The following KCNG2 variants were observed in gnomAD, a reference collection of about 807,000 sequenced individuals.
KCNG2 encodes potassium voltage-gated channel modifier subfamily G member 2, also known as voltage-gated potassium channel regulatory subunit KCNG2.
In KCNG2, 7 loss-of-function variants were observed where a neutral mutation model predicts 12.3. That is an observed-to-expected ratio of 0.57 (90% CI 0.32 to 1.07). The LOEUF is 1.07. KCNG2 is among the 50% of genes least tolerant of loss of function. The probability of loss-of-function intolerance (pLI) is 0.04; values close to 1 mark genes in which losing one functional copy is unlikely to be tolerated. For synonymous variants in KCNG2, 414 were observed against 351.4 expected, an observed-to-expected ratio of 1.18 and a Z score of -1.99; for missense variants, 703 against 726.0, an observed-to-expected ratio of 0.97 and a Z score of 0.36.
At chr18:79,863,428 G>A (rs1468990664) in intron 2 of KCNG2, among the ~76,000 whole-genome samples, 200 bp from the exon 3 acceptor site, 1 of 152,254 alleles carries the variant, frequency 6.6e-6, no homozygotes, top group Non-Finnish European at 1.5e-5. Flanking sequence ...ACCTGGCGGG[G>A]TCCGCTGGAC....
At chr18:79,801,156 GT>G (rs1457319015) in intron 1 of KCNG2, among the ~76,000 whole-genome samples, 2 of 152,222 alleles carry the variant, frequency 1.3e-5, no homozygotes, top group African/African-American at 2.4e-5. Context: ...CCTGACCTGT[GT>G]CAAAATCAGT....
At chr18:79,829,482 C>G (rs1161093308) in intron 1 of KCNG2, among the ~76,000 whole-genome samples, 1 of 152,150 alleles carries the variant, frequency 6.6e-6, no homozygotes, top group Admixed American at 6.5e-5. Flanking sequence ...CCTCTGCCTC[C>G]CTATGGCTTG....
intron 1 of KCNG2, among the ~76,000 whole-genome samples, chr18:79,830,758 C>T (rs555877751): frequency 5.2e-4 from 77 of 147,832 alleles, no homozygotes; most frequent in Non-Finnish European, 9.7e-4. Flanking sequence ...TCCCTGCGGA[C>T]AGAGCCTTCG....
rs911770615 is a variant in KCNG2 at position 79,899,926 on chromosome 18, C to T, written c.*110C>T. 3.8e-6 allele frequency: 4 copies of T among 1,044,958 alleles called. No individual in the cohort carries two copies. Among genetic ancestry groups the T allele is most frequent in the South Asian group, 3.5e-5 (1 of 28,568 alleles). The allele number at this position is 1,044,958 out of a possible 1,614,324, so 64.7% of individuals were successfully genotyped here. On this transcript the variant is annotated 3_prime_UTR_variant, in exon 4 of 4. Transcript: ENST00000316249. ...TCTGGCCTGGGGGAGCGGCTCCTGC[C>T]GGCCGCGTCCTCGGCCCTCGTGCGT...
chr18:79,811,000 A>C (rs923285601), intron 1 of KCNG2, among the ~76,000 whole-genome samples: 1 of 152,248 alleles, frequency 6.6e-6, no homozygotes, highest in Non-Finnish European at 1.5e-5. Context: ...CAAAAAGAGT[A>C]AAACCCCTAG....
chr18:79,865,152 T>C (rs1319775665), intron 3 of KCNG2, among the ~76,000 whole-genome samples: 1 of 147,118 alleles, frequency 6.8e-6, no homozygotes, highest in Non-Finnish European at 1.5e-5. Flanking sequence ...CTGAGAGGCC[T>C]GGGTGCTGAG....
In KCNG2 at chr18:79,797,979, A is replaced by T. The variant is rs1429542727; in HGVS notation, c.-150A>T. 4.1e-5 allele frequency among the ~76,000 whole-genome samples: 6 copies of T among 147,704 alleles called. No homozygotes were observed. Among genetic ancestry groups the T allele is most frequent in the Non-Finnish European group, 7.5e-5 (5 of 66,602 alleles). ...GCCCCGAGGAGGCCGCCGGCCGGGT[A>T]AGCGGAGCCCGGAGCTCGCGGAGTC... On this transcript the variant is annotated 5_prime_UTR_variant, in exon 1 of 4. Transcript: ENST00000316249.
chr18:79,831,837 C>A (rs1047236380), intron 1 of KCNG2, among the ~76,000 whole-genome samples: 2 of 152,218 alleles, frequency 1.3e-5, no homozygotes, highest in Admixed American at 6.5e-5. Context: ...CCCACCCCCA[C>A]CCTTACCTGG....
intron 1 of KCNG2, among the ~76,000 whole-genome samples, chr18:79,806,447 G>A (rs1273992422): frequency 3.9e-5 from 6 of 152,182 alleles, no homozygotes; most frequent in African/African-American, 9.7e-5. Context: ...TTCTTGAACC[G>A]TGCTCTGCAT....
At position 79,887,208 on chromosome 18, in the gene KCNG2, C is replaced by T. The variant is rs4991157; in HGVS notation, c.625-11832C>T. Among the ~76,000 whole-genome samples, 742 of 141,674 alleles carry T rather than the reference C, an allele frequency of 5.2e-3. 24 individuals carry two copies. Among genetic ancestry groups the T allele is most frequent in the African/African-American group, 0.021 (691 of 32,858 alleles). The allele number at this position is 141,674 out of a possible 152,430, so 92.9% of individuals were successfully genotyped here. ...CACAGGACAGATGGGGACAGGGACA[C>T]GGGGATATAGGGTCACAGGGACAGG... On this transcript the variant is annotated intron_variant, in intron 3 of 3. Coordinates refer to ENST00000316249, the MANE Select transcript of KCNG2 (RefSeq NM_012283.2).
At chr18:79,857,809 G>A (rs552352595) in intron 2 of KCNG2, among the ~76,000 whole-genome samples, 17 of 151,650 alleles carry the variant, frequency 1.1e-4, no homozygotes, top group Non-Finnish European at 1.9e-4. Flanking sequence ...ATTTTTATGT[G>A]CACGATTCTG....
Position 79,880,187 on chromosome 18 carries a change from T to C in KCNG2, c.624+15896T>C, listed in dbSNP as rs554035280. The stretch of plus-strand genomic sequence containing the variant: ...CAAAGTCACCCAAAATGTGTAACAT[T>C]AATATGCCAATAAATGGCCAGATCA... On this transcript the variant is annotated intron_variant, in intron 3 of 3. Transcript: ENST00000316249. Among the ~76,000 whole-genome samples the C allele has an allele frequency of 1.8e-4, 28 of 152,154 alleles. 1 individual carries two copies. The Middle Eastern group carries it at 0.01, about 55-fold the overall frequency.
Position 79,803,132 on chromosome 18 carries a change from C to T in KCNG2, c.-115+5118C>T, listed in dbSNP as rs974859814. Among the ~76,000 whole-genome samples the T allele has an allele frequency of 2.2e-4, 33 of 152,106 alleles. No individual in the cohort carries two copies. Among genetic ancestry groups the T allele is most frequent in the African/African-American group, 6.5e-4 (27 of 41,412 alleles). ...GGCGGAGCTTGCAGTGAGCCGAGAT[C>T]GCGCCACTGCACTCCAGCCTGGGTG... On this transcript the variant is annotated intron_variant, in intron 1 of 3. Coordinates refer to ENST00000316249, the MANE Select transcript of KCNG2 (RefSeq NM_012283.2). The surrounding 1 kb of genome is among the most constrained non-coding windows in gnomAD (Gnocchi z 4.5).
At chr18:79,830,100 G>A (rs1278076348) in intron 1 of KCNG2, among the ~76,000 whole-genome samples, 1 of 144,964 alleles carries the variant, frequency 6.9e-6, no homozygotes, top group East Asian at 2.1e-4. Flanking sequence ...ACCTAGGACT[G>A]GTGGGTCCAC....
intron 3 of KCNG2, 73 bp from the exon 4 acceptor site, chr18:79,898,967 G>C: frequency 8.3e-7 from 1 of 1,204,552 alleles, no homozygotes; most frequent in African/African-American, 1.6e-5. Context: ...CTGGTCCTGG[G>C]AAAGGAAGGG....
At chr18:79,877,316 C>T (rs1279787101) in intron 3 of KCNG2, among the ~76,000 whole-genome samples, 1 of 151,732 alleles carries the variant, frequency 6.6e-6, no homozygotes, top group African/African-American at 2.4e-5. Context: ...AGGCTGGGTC[C>T]CTCCAGCGGC....
intron 3 of KCNG2, among the ~76,000 whole-genome samples, chr18:79,869,749 A>G (rs1979756012): frequency 6.6e-6 from 1 of 152,152 alleles, no homozygotes; most frequent in African/African-American, 2.4e-5. Flanking sequence ...TGTGGCCCCC[A>G]AAGTTATCCT....
chr18:79,894,441 G>C (rs1221510749), intron 3 of KCNG2, among the ~76,000 whole-genome samples: 1 of 152,096 alleles, frequency 6.6e-6, no homozygotes, highest in Non-Finnish European at 1.5e-5. Context: ...AGTCGGGTCT[G>C]TGTCTGCTTT....
intron 3 of KCNG2, among the ~76,000 whole-genome samples, chr18:79,875,630 C>T (rs1267536431): frequency 6.6e-6 from 1 of 152,222 alleles, no homozygotes; most frequent in Non-Finnish European, 1.5e-5. Flanking sequence ...TCCCGCCCTA[C>T]ACGGCAGCAC....
Sources: gnomAD v4.1 joint callset for allele counts (sites outside exome capture counted in the v4.1 genomes callset) on GRCh38, gnomAD v4.1.1 for gene constraint, Gnocchi (gnomAD v3.1) non-coding constraint, MANE v1.5 for transcripts, NCBI Gene and HGNC (gene_info 2026-07-23, HGNC 2026-07-21) for gene names.